MDGA2: variants seen among roughly 807,000 people sequenced by gnomAD.
The protein encoded by MDGA2 is MAM domain containing glycosylphosphatidylinositol anchor 2.
Under a neutral mutation model 117.8 loss-of-function variants are expected in MDGA2, and 40 were observed. That is an observed-to-expected ratio of 0.34 (90% CI 0.26 to 0.44). The LOEUF (loss-of-function observed/expected upper bound fraction) is 0.44, where lower values mean the gene tolerates loss of function less well. MDGA2 is among the 20% of genes least tolerant of loss of function. MDGA2 has a pLI of 1.00. For synonymous variants in MDGA2, 452 were observed against 439.0 expected (o/e 1.03, Z -0.37); for missense variants, 1,123 against 1,250.6 (o/e 0.90, Z 1.54).
intron 1 of MDGA2, among the ~76,000 whole-genome samples, chr14:47,520,550 A>G (rs1310218201): frequency 6.6e-6 from 1 of 152,334 alleles, no homozygotes; most frequent in Admixed American, 6.5e-5. Context: ...CTGAGAAATT[A>G]TATTAGTCAT....
At chr14:47,199,460 T>C (rs1885410739) in intron 3 of MDGA2, among the ~76,000 whole-genome samples, 1 of 152,198 alleles carries the variant, frequency 6.6e-6, no homozygotes, top group Non-Finnish European at 1.5e-5. Context: ...CACTAATTTG[T>C]TGCTTCAAAA....
intron 1 of MDGA2, among the ~76,000 whole-genome samples, chr14:47,659,020 C>A (rs1022191585): frequency 2.0e-5 from 3 of 152,142 alleles, no homozygotes; most frequent in African/African-American, 7.2e-5. Flanking sequence ...TGCATGTAAA[C>A]CTTCCACTTG....
At position 47,016,980 on chromosome 14, in the gene MDGA2, G is replaced by C. The variant is rs571519344; in HGVS notation, c.1819+18031C>G. On this transcript the variant is annotated intron_variant, in intron 8 of 16. Transcript: ENST00000399232. ...ATTCTATCTTATTTTCTGTTTTGTT[G>C]TGTTTCCAGCTTGCAAAATACTTGC... Among the ~76,000 whole-genome samples the C allele has an allele frequency of 1.3e-3, 194 of 151,384 alleles. 1 individual carries two copies. The highest frequency in any genetic ancestry group is 4.4e-3 in the African/African-American group (181 of 41,324).
At chr14:47,332,779 T>G (rs554967628) in intron 1 of MDGA2, among the ~76,000 whole-genome samples, 5 of 152,028 alleles carry the variant, frequency 3.3e-5, no homozygotes, top group African/African-American at 1.2e-4. Flanking sequence ...ATTGTACTCA[T>G]TAAGTAATTT....
chr14:47,406,192 T>C, intron 1 of MDGA2, among the ~76,000 whole-genome samples: 1 of 152,090 alleles, frequency 6.6e-6, no homozygotes, highest in Admixed American at 6.5e-5. Context: ...TGGAAAAAAA[T>C]TTGGAAATAA....
intron 1 of MDGA2, among the ~76,000 whole-genome samples, chr14:47,349,297 T>A (rs1890827981): frequency 6.6e-6 from 1 of 152,242 alleles, no homozygotes; most frequent in South Asian, 2.1e-4. Context: ...ATGTTTAACC[T>A]GGGCTGAGTC....
intron 16 of MDGA2, among the ~76,000 whole-genome samples, chr14:46,843,367 T>G (rs1029364708): frequency 6.6e-5 from 10 of 152,106 alleles, no homozygotes; most frequent in African/African-American, 2.4e-4. Flanking sequence ...AATGTAAAAT[T>G]TCTGTATATA....
intron 1 of MDGA2, among the ~76,000 whole-genome samples, chr14:47,466,830 A>G (rs1428264918): frequency 1.3e-5 from 2 of 152,090 alleles, no homozygotes; most frequent in Non-Finnish European, 2.9e-5. Flanking sequence ...ATAACATATT[A>G]TAATACAAAA....
At chr14:47,305,648 C>A (rs534792514) in intron 1 of MDGA2, among the ~76,000 whole-genome samples, 1 of 152,050 alleles carries the variant, frequency 6.6e-6, no homozygotes, top group African/African-American at 2.4e-5. Context: ...GACTTTCAAG[C>A]GTATATTTAT....
chr14:47,130,673 C>T (rs144380498), intron 5 of MDGA2, among the ~76,000 whole-genome samples: 2 of 152,176 alleles, frequency 1.3e-5, no homozygotes, highest in Non-Finnish European at 2.9e-5. Context: ...GTTTCACATG[C>T]TTTATACGTA....
intron 1 of MDGA2, among the ~76,000 whole-genome samples, chr14:47,616,182 T>C (rs749107560): frequency 3.3e-5 from 5 of 152,210 alleles, no homozygotes; most frequent in Non-Finnish European, 5.9e-5. Flanking sequence ...GGGCCATTAC[T>C]GTCAAATTTG....
At chr14:47,509,072 G>A (rs1175169832) in intron 1 of MDGA2, among the ~76,000 whole-genome samples, 3 of 152,100 alleles carry the variant, frequency 2.0e-5, no homozygotes, top group South Asian at 2.1e-4. Flanking sequence ...AGAAAGTTGG[G>A]TTACTCAACG....
intron 8 of MDGA2, among the ~76,000 whole-genome samples, chr14:47,009,200 G>A (rs1375927467): frequency 1.3e-5 from 2 of 151,878 alleles, no homozygotes; most frequent in Non-Finnish European, 2.9e-5. Flanking sequence ...ACTACAATAA[G>A]TTTTTTGCTT....
At chr14:47,130,923 C>T (rs933665184) in intron 5 of MDGA2, among the ~76,000 whole-genome samples, 26 of 152,044 alleles carry the variant, frequency 1.7e-4, no homozygotes, top group Admixed American at 2.6e-4. Flanking sequence ...ATGTAAATGA[C>T]GAGTTAATGG....
chr14:47,064,080 C>T lies in MDGA2; in HGVS notation c.1196-2502G>A, dbSNP rs182714871. ...TTTATTCATAAAAACAACTTTAAAA[C>T]CCAAAGAAAAAATATTAGAGATTAT... On this transcript the variant is annotated intron_variant, in intron 6 of 16. Coordinates refer to ENST00000399232, the MANE Select transcript of MDGA2 (RefSeq NM_001113498.3). Among the ~76,000 whole-genome samples, 211 of 151,754 alleles carry T rather than the reference C, an allele frequency of 1.4e-3. 1 individual carries two copies. The highest frequency in any genetic ancestry group is 4.9e-3 in the African/African-American group (205 of 41,438).
chr14:47,090,660 G>A (rs1879599407), intron 6 of MDGA2, among the ~76,000 whole-genome samples: 1 of 152,136 alleles, frequency 6.6e-6, no homozygotes, highest in Non-Finnish European at 1.5e-5. Flanking sequence ...CTGCACTGAA[G>A]AATGGAATAC....
chr14:47,424,076 G>A (rs1225494404), intron 1 of MDGA2, among the ~76,000 whole-genome samples: 1 of 151,984 alleles, frequency 6.6e-6, no homozygotes, highest in African/African-American at 2.4e-5. Context: ...GCCTCCCAAA[G>A]TGCTAGGATT....
Position 46,882,437 on chromosome 14 carries a change from T to C in MDGA2, c.2239-216A>G, listed in dbSNP as rs142592873. On this transcript the variant is annotated intron_variant, in intron 10 of 16. Transcript: ENST00000399232. ...TTGCCAAATGATCAGAGGTATTTAA[T>C]AGATTTAATATATCATCTAATGTTT... Among the ~76,000 whole-genome samples the C allele has an allele frequency of 2.2e-4, 34 of 151,864 alleles. No homozygotes were observed. In the East Asian group the frequency reaches 6.2e-3, roughly 28 times the overall value.
Position 46,849,748 on chromosome 14 carries a change from T to C in MDGA2, c.2884-3877A>G, listed in dbSNP as rs527576582. 2.0e-3 allele frequency among the ~76,000 whole-genome samples: 300 copies of C among 151,960 alleles called. 4 individuals are homozygous for C. The highest frequency in any genetic ancestry group is 0.014 in the Middle Eastern group (4 of 294). The stretch of plus-strand genomic sequence containing the variant: ...TATCTCGAGAATTAAGACTCTCTAG[T>C]TTAAAGAGTTAAATTGTCATATTTT... On this transcript the variant is annotated intron_variant, in intron 15 of 16. Coordinates refer to ENST00000399232, the MANE Select transcript of MDGA2 (RefSeq NM_001113498.3).
Sources: gnomAD v4.1 joint callset for allele counts (sites outside exome capture counted in the v4.1 genomes callset) on GRCh38, gnomAD v4.1.1 for gene constraint, MANE v1.5 for transcripts, NCBI Gene and HGNC (gene_info 2026-07-23, HGNC 2026-07-21) for gene names.